The following ARHGAP44 variants were observed in gnomAD, a reference collection of about 807,000 sequenced individuals.
ARHGAP44 encodes Rho GTPase activating protein 44, also known as rho GTPase-activating protein 44.
A neutral mutation model predicts 106.8 loss-of-function variants in ARHGAP44; 43 were observed. That is an observed-to-expected ratio of 0.40 (90% confidence interval 0.32 to 0.52). ARHGAP44 has a LOEUF of 0.52. Ranked by LOEUF, ARHGAP44 falls within the 20% of genes least tolerant of loss-of-function variation. The pLI is 0.48. For synonymous variants in ARHGAP44, 439 were observed against 410.3 expected (o/e 1.07, Z -0.85); for missense variants, 866 against 1,050.5 (o/e 0.82, Z 2.43).
chr17:12,849,514 C>G (rs2035675974), intron 1 of ARHGAP44, among the ~76,000 whole-genome samples: 1 of 149,052 alleles, frequency 6.7e-6, no homozygotes, highest in African/African-American at 2.5e-5. Flanking sequence ...GGAACCAAAT[C>G]TCTCTGCTTC....
In ARHGAP44 at chr17:12,949,685, C is replaced by G; in HGVS notation, c.1010C>G (p.Pro337Arg). Residue 337 changes from proline (P) to arginine (R), a missense_variant, in exon 12 of 21, where the codon CCT becomes CGT. Physicochemically the swap from Pro to Arg is moderately radical, Grantham distance 103. Coordinates refer to ENST00000379672, the MANE Select transcript of ARHGAP44 (RefSeq NM_014859.6). The surrounding 1 kb of genome is among the most constrained non-coding windows in gnomAD (Gnocchi z 4.1). ...LKSYLRELPE[P>R]LMTFELYDEW... ...TCTTACCTCCGAGAGTTGCCAGAAC[C>G]TCTTATGACCTTTGAACTCTATGAT... The G allele has an allele frequency of 6.2e-7, 1 of 1,613,816 alleles. No homozygotes were observed. The highest frequency in any genetic ancestry group is 8.5e-7 in the Non-Finnish European group (1 of 1,179,866).
intron 1 of ARHGAP44, among the ~76,000 whole-genome samples, chr17:12,832,971 C>CGACGAT: frequency 6.6e-6 from 1 of 152,316 alleles, no homozygotes; most frequent in East Asian, 1.9e-4. Context: ...TTTCCTTCCC[C>CGACGAT]GACGATAGCT....
At chr17:12,980,299 C>T (rs946448601) in intron 19 of ARHGAP44, 66 bp downstream of exon 19, 17 of 1,495,930 alleles carry the variant, frequency 1.1e-5, no homozygotes, top group Middle Eastern at 2.5e-4. Flanking sequence ...CCTGAAGGCT[C>T]GTTTTCCTCT....
intron 1 of ARHGAP44, among the ~76,000 whole-genome samples, chr17:12,801,885 AAG>A (rs760081888): frequency 3.4e-4 from 52 of 152,032 alleles, no homozygotes; most frequent in Middle Eastern, 3.4e-3. Flanking sequence ...TATTTTATTG[AAG>A]AGAGAGAGAA....
At chr17:12,955,394 A>G (rs2039101371) in intron 13 of ARHGAP44, among the ~76,000 whole-genome samples, 1 of 152,178 alleles carries the variant, frequency 6.6e-6, no homozygotes, top group South Asian at 2.1e-4. Flanking sequence ...GCTGGATCAT[A>G]TACTAAGTCT....
At chr17:12,854,603 C>G (rs1271670706) in intron 1 of ARHGAP44, among the ~76,000 whole-genome samples, 1 of 152,142 alleles carries the variant, frequency 6.6e-6, no homozygotes, top group Non-Finnish European at 1.5e-5. Context: ...CTGAGACATG[C>G]TCTATGGAAG....
chr17:12,936,674 T>G (rs2150975169), intron 7 of ARHGAP44, among the ~76,000 whole-genome samples: 1 of 152,358 alleles, frequency 6.6e-6, no homozygotes, highest in South Asian at 2.1e-4. Flanking sequence ...AGCTTTTATG[T>G]GACATACGTT....
intron 1 of ARHGAP44, among the ~76,000 whole-genome samples, chr17:12,814,821 C>T (rs1019768448): frequency 7.2e-5 from 11 of 152,012 alleles, no homozygotes; most frequent in African/African-American, 2.7e-4. Flanking sequence ...CTTATTTTTA[C>T]TTTTGATTTA....
chr17:12,898,218 A>G (rs2037271393), intron 3 of ARHGAP44, among the ~76,000 whole-genome samples: 1 of 152,154 alleles, frequency 6.6e-6, no homozygotes, highest in Non-Finnish European at 1.5e-5. Context: ...GACGATTTCT[A>G]GTTGTCTGAC....
At chr17:12,974,020 T>C in intron 17 of ARHGAP44, 69 bp from the exon 18 acceptor site, 1 of 1,469,036 alleles carries the variant, frequency 6.8e-7, no homozygotes, top group Non-Finnish European at 9.3e-7. Flanking sequence ...TGCTTGAATG[T>C]GGGGGAGGGA....
At chr17:12,900,438 A>C (rs2037342283) in intron 3 of ARHGAP44, among the ~76,000 whole-genome samples, 1 of 152,096 alleles carries the variant, frequency 6.6e-6, no homozygotes, top group Non-Finnish European at 1.5e-5. Context: ...CCATGTTGCC[A>C]TCTTTAGTCC....
intron 1 of ARHGAP44, among the ~76,000 whole-genome samples, chr17:12,888,055 A>G (rs930566713): frequency 2.0e-5 from 3 of 151,420 alleles, no homozygotes; most frequent in African/African-American, 7.3e-5. Flanking sequence ...TTTTCAAAGA[A>G]CTCGCTCTTT....
chr17:12,973,152 A>G (rs1319372604), intron 16 of ARHGAP44, 150 bp from the exon 17 acceptor site: 3 of 757,306 alleles, frequency 4.0e-6, no homozygotes, highest in Non-Finnish European at 6.4e-6. Context: ...AGAGAGACCA[A>G]CTAAATTGTA....
chr17:12,860,234 C>T (rs1266078450), intron 1 of ARHGAP44, among the ~76,000 whole-genome samples: 5 of 152,174 alleles, frequency 3.3e-5, no homozygotes, highest in Admixed American at 6.5e-5. Flanking sequence ...CATTATCCAG[C>T]TGTTCAGTTT....
chr17:12,850,792 G>A (rs1259248634), intron 1 of ARHGAP44, among the ~76,000 whole-genome samples: 4 of 152,118 alleles, frequency 2.6e-5, no homozygotes, highest in Non-Finnish European at 5.9e-5. Flanking sequence ...GTGCCTCTAG[G>A]GCCTAGGTCA....
At chr17:12,797,167 A>G (rs1388686895) in intron 1 of ARHGAP44, among the ~76,000 whole-genome samples, 1 of 151,876 alleles carries the variant, frequency 6.6e-6, no homozygotes, top group African/African-American at 2.4e-5. Flanking sequence ...AAGTCTATCT[A>G]TTTGTGGTTT....
chr17:12,809,307 G>A (rs1253837150), intron 1 of ARHGAP44, among the ~76,000 whole-genome samples: 3 of 152,054 alleles, frequency 2.0e-5, no homozygotes, highest in Non-Finnish European at 2.9e-5. Flanking sequence ...CCCCACTCCC[G>A]GTACCAATTT....
intron 1 of ARHGAP44, among the ~76,000 whole-genome samples, chr17:12,852,178 C>T (rs2035766723): frequency 7.3e-6 from 1 of 137,626 alleles, no homozygotes; most frequent in South Asian, 2.7e-4. Context: ...AACCACCCTC[C>T]CCTAAGATTA....
chr17:12,890,413 G>C (rs1488713066), intron 1 of ARHGAP44, among the ~76,000 whole-genome samples: 2 of 152,176 alleles, frequency 1.3e-5, no homozygotes, highest in South Asian at 4.2e-4. Flanking sequence ...ATGCCCTCTG[G>C]AGAGCAGCAG....
Sources: allele counts gnomAD v4.1 joint callset (sites outside exome capture counted in the v4.1 genomes callset), GRCh38; gene constraint gnomAD v4.1.1; non-coding constraint Gnocchi (gnomAD v3.1); transcripts MANE v1.5; gene names NCBI Gene and HGNC (gene_info 2026-07-23, HGNC 2026-07-21).